The following ADAMTS4 variants were observed in gnomAD, a reference collection of about 807,000 sequenced individuals.
ADAMTS4 encodes A disintegrin and metalloproteinase with thrombospondin motifs 4.
ADAMTS4 carries 38 observed loss-of-function variants against 66.7 expected under a neutral mutation model. The observed-to-expected ratio is 0.57, with a 90% confidence interval of 0.44 to 0.75. The LOEUF (loss-of-function observed/expected upper bound fraction) is 0.75. Ranked by LOEUF, ADAMTS4 falls within the 30% of genes least tolerant of loss-of-function variation. The pLI is 0.00. For missense variants in ADAMTS4, 1,014 were observed against 1,116.7 expected, an observed-to-expected ratio of 0.91 and a Z score of 1.31; for synonymous variants, 418 against 461.5, an observed-to-expected ratio of 0.91 and a Z score of 1.21.
In ADAMTS4 at chr1:161,191,293, C is replaced by T. The variant is rs774434720; in HGVS notation, c.2359G>A (p.Val787Met). The T allele has an allele frequency of 6.2e-7, 1 of 1,613,970 alleles. No individual in the cohort carries two copies. Among genetic ancestry groups the T allele is most frequent in the Non-Finnish European group, 8.5e-7 (1 of 1,180,030 alleles). The change falls in exon 9 of 9, where the codon GTG becomes ATG. Residue 787 changes from valine (V) to methionine (M), a missense_variant. Coordinates refer to ENST00000367996, the MANE Select transcript of ADAMTS4 (RefSeq NM_005099.6). ...CGTGTGTCCTGGGGGTTGCCAGCCACTAGGACTTGCAGTGTCAAAGGCTGG... is the reference window on the plus strand; with the variant it reads ...CGTGTGTCCTGGGGGTTGCCAGCCATTAGGACTTGCAGTGTCAAAGGCTGG... Reference protein sequence around the residue: ...LAQPLTLQVLVAGNPQDTRLR... With the variant: ...LAQPLTLQVLMAGNPQDTRLR...
In ADAMTS4 at chr1:161,196,204, G is replaced by A; in HGVS notation, c.1057C>T (p.Leu353Phe). The A allele has an allele frequency of 6.2e-7, 1 of 1,612,734 alleles. No homozygotes were observed. The change falls in exon 3 of 9, where the codon CTC becomes TTC. Residue 353 changes from leucine (L) to phenylalanine (F), a missense_variant. Leu to Phe is a conservative substitution (Grantham distance 22). Transcript: ENST00000367996. ...TGAGCAGCAGTGAAGGCTGACTGGA[G>A]CCCATCATCCTCCACAATGGCACAG... The part of the protein sequence containing the change: ...RSCAIVEDDG[L>F]QSAFTAAHEL...
chr1:161,193,955 C>T lies in ADAMTS4; in HGVS notation c.1528G>A (p.Asp510Asn). Residue 510 changes from aspartate to asparagine, a missense_variant, in exon 5 of 9, where the codon GAC becomes AAC. Coordinates refer to ENST00000367996, the MANE Select transcript of ADAMTS4 (RefSeq NM_005099.6). The surrounding 1 kb of genome is among the most constrained non-coding windows in gnomAD (Gnocchi z 4.4). ...ACMGGRCLHM[D>N]QLQDFNIPQA... ...CTCACATTGAAGTCCTGGAGCTGGT[C>T]CATGTGGAGGCAGCGACCACCCATG... is the stretch of plus-strand genomic sequence containing the variant. The T allele has an allele frequency of 1.9e-6, 3 of 1,589,358 alleles. No homozygotes were observed. The highest frequency in any genetic ancestry group is 2.6e-6 in the Non-Finnish European group (3 of 1,164,506).
In ADAMTS4 at chr1:161,196,289, G is replaced by A. The variant is rs1664833176; in HGVS notation, c.972C>T (p.Val324=). Residue 324 remains valine, a synonymous_variant, in exon 3 of 9, where the codon GTC becomes GTT. Transcript: ENST00000367996. Reference sequence around the variant, plus strand: ...CCATACCCAGCGTGTCGCAAGTGGAGACTCCACACAGGTCCTGTGGAGAGG... The same window carrying A: ...CCATACCCAGCGTGTCGCAAGTGGAAACTCCACACAGGTCCTGTGGAGAGG... ...ILFTRQDLCG[V]STCDTLGMAD... 3 of 1,612,676 alleles carry A rather than the reference G, an allele frequency of 1.9e-6. No homozygotes were observed. Among genetic ancestry groups the A allele is most frequent in the Non-Finnish European group, 2.5e-6 (3 of 1,179,272 alleles).
rs916853796 is a variant in ADAMTS4 at position 161,198,428 on chromosome 1, A to G, written c.200T>C (p.Leu67Pro). The G allele has an allele frequency of 6.3e-7, 1 of 1,594,830 alleles. No individual in the cohort carries two copies. Among genetic ancestry groups the G allele is most frequent in the Non-Finnish European group, 8.5e-7 (1 of 1,171,122 alleles). The part of the protein sequence containing the change: ...REEEIVFPEK[L>P]NGSVLPGSGA... ...CGAGCCAGGCAGGACGCTGCCGTTG[A>G]GCTTCTCTGGAAACACGATCTCCTC... The change falls in exon 1 of 9, where the codon CTC (leucine) becomes CCC (proline). Residue 67 changes from leucine (L) to proline (P), a missense_variant. Coordinates refer to ENST00000367996, the MANE Select transcript of ADAMTS4 (RefSeq NM_005099.6). The surrounding 1 kb of genome is among the most constrained non-coding windows in gnomAD (Gnocchi z 4.7).
In ADAMTS4 at chr1:161,185,121, C is replaced by T. The variant is rs1235531303; in HGVS notation, c.*6017G>A. ...ATGATGAGTTAATGGGTGCAGCACA[C>T]CAGCATGGCACATGTATACATATGT... On this transcript the variant is annotated 3_prime_UTR_variant, in exon 9 of 9. Coordinates refer to ENST00000367996, the MANE Select transcript of ADAMTS4 (RefSeq NM_005099.6). The T allele has an allele frequency of 6.6e-6, 1 of 151,520 alleles. No homozygotes were observed. Among genetic ancestry groups the T allele is most frequent in the East Asian group, 1.9e-4 (1 of 5,186 alleles). The allele number at this position is 151,520 out of a possible 1,614,324, so 9.4% of individuals were successfully genotyped here.
At position 161,195,558 on chromosome 1, in the gene ADAMTS4, C is replaced by T. The variant is rs751202505; in HGVS notation, c.1168G>A (p.Val390Ile). The T allele has an allele frequency of 4.3e-6, 7 of 1,614,048 alleles. No homozygotes were observed. Among genetic ancestry groups the T allele is most frequent in the Non-Finnish European group, 5.9e-6 (7 of 1,179,962 alleles). ...LNGPLSTSRH[V>I]MAPVMAHVDP... is the part of the protein sequence containing the mutation. ...ACATGAGCCATCACAGGGGCCATGA[C>T]ATGGCGAGAGGTGCTCAAAGGCCCA... Residue 390 changes from valine (V) to isoleucine (I), a missense_variant, in exon 4 of 9, where the codon GTC becomes ATC. Coordinates refer to ENST00000367996, the MANE Select transcript of ADAMTS4 (RefSeq NM_005099.6).
rs1405126667 is a variant in ADAMTS4, at chr1:161,198,384, A to G, written c.244T>C (p.Leu82=). 3 of 1,611,850 alleles carry G rather than the reference A, an allele frequency of 1.9e-6. No homozygotes were observed. Among genetic ancestry groups the G allele is most frequent in the East Asian group, 4.5e-5 (2 of 44,778 alleles). The change falls in exon 1 of 9, where the codon TTG becomes CTG. Residue 82 remains leucine, a synonymous_variant. Transcript: ENST00000367996. The surrounding 1 kb of genome is among the most constrained non-coding windows in gnomAD (Gnocchi z 4.7). The stretch of plus-strand genomic sequence containing the variant: ...TCCCCAAAGGCCTGCAAGCGGCACA[A>G]CAGCCTGGCAGGGGCGCCCGAGCCA... ...LPGSGAPARL[L]CRLQAFGETL... is the part of the protein sequence containing the mutation.
At position 161,198,846 on chromosome 1, in the gene ADAMTS4, T is replaced by C; in HGVS notation, c.-219A>G. The stretch of plus-strand genomic sequence containing the variant: ...CCAGGGGTCTGGCTTCTCCAAACTC[T>C]CCTCCTGAGCCCTCCTTTCCTGGAT... On this transcript the variant is annotated 5_prime_UTR_variant, in exon 1 of 9. Coordinates refer to ENST00000367996, the MANE Select transcript of ADAMTS4 (RefSeq NM_005099.6). The surrounding 1 kb of genome is among the most constrained non-coding windows in gnomAD (Gnocchi z 4.7). 2.1e-6 allele frequency: 1 copy of C among 482,912 alleles called. No homozygotes were observed. The highest frequency in any genetic ancestry group is 3.6e-6 in the Non-Finnish European group (1 of 275,526). 29.9% of individuals were successfully genotyped at this position (482,912 alleles called of 1,614,324 possible). A position where few individuals can be genotyped will look rare whatever the true frequency, so the allele number is the denominator to read the frequency against.
chr1:161,195,282 A>G (rs957019852), intron 4 of ADAMTS4, among the ~76,000 whole-genome samples, 183 bp downstream of exon 4: 2 of 152,086 alleles, frequency 1.3e-5, no homozygotes, highest in African/African-American at 4.8e-5. Context: ...TAGCTATGCT[A>G]TTTATTCTGG....
chr1:161,193,829 G>C lies in ADAMTS4; in HGVS notation c.1549-3C>G, dbSNP rs1303832404. On this transcript the variant is annotated splice_polypyrimidine_tract_variant and splice_region_variant and intron_variant, in intron 5 of 8. Coordinates refer to ENST00000367996, the MANE Select transcript of ADAMTS4 (RefSeq NM_005099.6). The surrounding 1 kb of genome is among the most constrained non-coding windows in gnomAD (Gnocchi z 4.4). ...CCCCAGCCACCAGCCTGTGGAATCT[G>C]CAAAGGCACAGAACGGAAGTGGGGC... is the stretch of plus-strand genomic sequence containing the variant. 6.2e-7 allele frequency: 1 copy of C among 1,601,934 alleles called. No homozygotes were observed. Among genetic ancestry groups the C allele is most frequent in the African/African-American group, 1.3e-5 (1 of 74,776 alleles).
Position 161,191,517 on chromosome 1 carries a change from A to T in ADAMTS4, c.2135T>A (p.Ile712Asn). The change falls in exon 9 of 9, where the codon ATT becomes AAT. Residue 712 changes from isoleucine to asparagine, a missense_variant. By Grantham distance (149) the Ile-to-Asn change is moderately radical (BLOSUM62 -3). Transcript: ENST00000367996. ...VVTIPAGATHILVRQQGNPGH... is the reference protein window; with the variant it reads ...VVTIPAGATHNLVRQQGNPGH... ...AGGGTTTCCCTGCTGCCGGACAAGA[A>T]TGTGGGTGGCCCCCGCGGGGATAGT... 1.9e-6 allele frequency: 3 copies of T among 1,614,010 alleles called. No individual in the cohort carries two copies. In the South Asian group the frequency reaches 3.3e-5, roughly 18 times the overall value.
In ADAMTS4 at chr1:161,190,537, G is replaced by GAAAA. The variant is rs71802477; in HGVS notation, c.*597_*600dup. 2.3e-5 allele frequency: 3 copies of GAAAA among 131,484 alleles called. No individual in the cohort carries two copies. Among genetic ancestry groups the GAAAA allele is most frequent in the Non-Finnish European group, 3.3e-5 (2 of 60,662 alleles). 8.1% of individuals were successfully genotyped at this position (131,484 alleles called of 1,614,324 possible). On this transcript the variant is annotated 3_prime_UTR_variant, in exon 9 of 9. Coordinates refer to ENST00000367996, the MANE Select transcript of ADAMTS4 (RefSeq NM_005099.6). ...CAAAAAAAAAAAAGAAAGAAAGAAA[G>GAAAA]AAAAAAAAAAAAAGATAATCCCTCA... is the stretch of plus-strand genomic sequence containing the variant.
At position 161,198,266 on chromosome 1, in the gene ADAMTS4, C is replaced by T. The variant is rs761692913; in HGVS notation, c.362G>A (p.Gly121Glu). The change falls in exon 1 of 9, where the codon GGA becomes GAA. Residue 121 changes from glycine to glutamate, a missense_variant. Coordinates refer to ENST00000367996, the MANE Select transcript of ADAMTS4 (RefSeq NM_005099.6). This position sits in a 1 kb window ranked among gnomAD's most constrained non-coding sequence, Gnocchi z 4.7. The part of the protein sequence containing the change: ...YLGQAPELLG[G>E]AEPGTYLTGT... ...AGTCAGGTAGGTGCCAGGCTCTGCT[C>T]CACCCAGCAGCTCAGGCGCCTGGCC... The T allele has an allele frequency of 2.9e-5, 47 of 1,613,870 alleles. No individual in the cohort carries two copies. In the Middle Eastern group the frequency reaches 4.9e-4, roughly 17 times the overall value.
chr1:161,192,921 C>T (rs957753988), intron 7 of ADAMTS4, among the ~76,000 whole-genome samples: 5 of 152,104 alleles, frequency 3.3e-5, no homozygotes, highest in African/African-American at 1.2e-4. Context: ...GGACTTGTCC[C>T]AAAGGCCACA....
intron 8 of ADAMTS4, 90 bp downstream of exon 8, chr1:161,191,975 T>C (rs1317796085): frequency 2.1e-6 from 3 of 1,439,894 alleles, no homozygotes; most frequent in South Asian, 2.5e-5. Context: ...TGTGAGCTCT[T>C]TGAGAGTGGA....
In ADAMTS4 at chr1:161,187,592, A is replaced by C. The variant is rs1306393367; in HGVS notation, c.*3546T>G. 1 of 152,278 alleles carries C rather than the reference A, an allele frequency of 6.6e-6. No homozygotes were observed. Among genetic ancestry groups the C allele is most frequent in the Non-Finnish European group, 1.5e-5 (1 of 68,120 alleles). The allele number at this position is 152,278 out of a possible 1,614,324, so 9.4% of individuals were successfully genotyped here. A position where few individuals can be genotyped will look rare whatever the true frequency, so the allele number is the denominator to read the frequency against. ...TGTATAAGGCACTGCCTGGTACAGA[A>C]CTTGATTAGCAAAGCCCAGATCCAG... On this transcript the variant is annotated 3_prime_UTR_variant, in exon 9 of 9. Coordinates refer to ENST00000367996, the MANE Select transcript of ADAMTS4 (RefSeq NM_005099.6).
In ADAMTS4 at chr1:161,198,038, T is replaced by C; in HGVS notation, c.590A>G (p.Lys197Arg). ...GGGGCTGGGGCTTCCAAGAGGAGCC[T>C]TGACGTTGCACATGGGACCTTGACC... is the stretch of plus-strand genomic sequence containing the variant. ...ASGQGPMCNV[K>R]APLGSPSPRP... Residue 197 changes from lysine (K) to arginine (R), a missense_variant, in exon 1 of 9, where the codon AAG becomes AGG. Coordinates refer to ENST00000367996, the MANE Select transcript of ADAMTS4 (RefSeq NM_005099.6). This position sits in a 1 kb window ranked among gnomAD's most constrained non-coding sequence, Gnocchi z 4.7. 2 of 1,594,298 alleles carry C rather than the reference T, an allele frequency of 1.3e-6. No homozygotes were observed. The highest frequency in any genetic ancestry group is 1.7e-6 in the Non-Finnish European group (2 of 1,167,746).
At position 161,193,990 on chromosome 1, in the gene ADAMTS4, G is replaced by A. The variant is rs1480845726; in HGVS notation, c.1493C>T (p.Ala498Val). ...GCAGCGACCACCCATGCAGGCCTGT[G>A]CGGGCCCGCAGGGTGTGCCATCGGC... Reference protein sequence around the residue: ...PWADGTPCGPAQACMGGRCLH... With the variant: ...PWADGTPCGPVQACMGGRCLH... Residue 498 changes from alanine to valine, a missense_variant, in exon 5 of 9, where the codon GCA (alanine) becomes GTA (valine). Ala to Val is a moderately conservative substitution (Grantham distance 64). Coordinates refer to ENST00000367996, the MANE Select transcript of ADAMTS4 (RefSeq NM_005099.6). The surrounding 1 kb of genome is among the most constrained non-coding windows in gnomAD (Gnocchi z 4.4). 1 of 1,611,392 alleles carries A rather than the reference G, an allele frequency of 6.2e-7. No homozygotes were observed. Among genetic ancestry groups the A allele is most frequent in the Non-Finnish European group, 8.5e-7 (1 of 1,178,242 alleles).
At chr1:161,195,153 G>A (rs183544739) in intron 4 of ADAMTS4, among the ~76,000 whole-genome samples, 2 of 152,316 alleles carry the variant, frequency 1.3e-5, no homozygotes, top group Admixed American at 1.3e-4. Flanking sequence ...TGCTATTCTT[G>A]CATACCTCAC....
Sources: allele counts gnomAD v4.1 joint callset (sites outside exome capture counted in the v4.1 genomes callset), GRCh38; gene constraint gnomAD v4.1.1; non-coding constraint Gnocchi (gnomAD v3.1); transcripts MANE v1.5; gene names NCBI Gene and HGNC (gene_info 2026-07-23, HGNC 2026-07-21).